The following POLA1 variants were observed in gnomAD, a reference collection of about 807,000 sequenced individuals.
POLA1 encodes DNA polymerase alpha 1, catalytic subunit, also known as DNA polymerase alpha catalytic subunit.
In POLA1, 15 loss-of-function variants were observed where a neutral mutation model predicts 124.0. That is an observed-to-expected ratio of 0.12 (90% CI 0.08 to 0.19). POLA1 has a LOEUF of 0.19. POLA1 is among the 10% of genes least tolerant of loss of function. The pLI, the probability that POLA1 is intolerant of heterozygous loss-of-function variation, is 1.00. For synonymous variants in POLA1, 408 were observed against 389.4 expected (o/e 1.05, Z -0.56); for missense variants, 886 against 1,103.4 (o/e 0.80, Z 2.79).
chrX:24,711,593 C>G (rs1178131638), intron 4 of POLA1, among the ~76,000 whole-genome samples: 1 of 111,494 alleles, frequency 9.0e-6, no homozygotes, highest in East Asian at 2.8e-4. Context: ...CAAAGAGTAG[C>G]TACGCATAAA....
chrX:24,843,533 C>T lies in POLA1; in HGVS notation c.3916-13C>T, dbSNP rs1569335487. 2 of 1,160,566 alleles carry T rather than the reference C, an allele frequency of 1.7e-6. No homozygotes were observed. Among genetic ancestry groups the T allele is most frequent in the Admixed American group, 5.3e-5 (2 of 37,466 alleles). On this transcript the variant is annotated splice_polypyrimidine_tract_variant and intron_variant, in intron 33 of 36. Transcript: ENST00000379068. ...CACAGTAATTTTTTGTATACTTCTC[C>T]TGACTTATGTAGGGAACAGATATGG...
At position 24,717,443 on chromosome X, in the gene POLA1, A is replaced by T. The variant is rs1448699391; in HGVS notation, c.860A>T (p.Glu287Val). 5.8e-6 allele frequency: 7 copies of T among 1,210,181 alleles called. No homozygotes were observed. Among genetic ancestry groups the T allele is most frequent in the Non-Finnish European group, 7.8e-6 (7 of 895,240 alleles). The change falls in exon 9 of 37, where the codon GAG becomes GTG. Residue 287 changes from glutamate (E) to valine (V), a missense_variant. Coordinates refer to ENST00000379068, the MANE Select transcript of POLA1 (RefSeq NM_001330360.2). ...KAWDKESEPA[E>V]EVKQEADSGK... is the part of the protein sequence containing the mutation. ...TGGGACAAAGAGAGTGAGCCAGCAGAGGAAGTGAAACAAGAGGCGGATTCT... is the reference window on the plus strand; with the variant it reads ...TGGGACAAAGAGAGTGAGCCAGCAGTGGAAGTGAAACAAGAGGCGGATTCT...
chrX:24,787,396 T>C (rs2045387246), intron 26 of POLA1, among the ~76,000 whole-genome samples: 1 of 111,845 alleles, frequency 8.9e-6, no homozygotes, highest in Non-Finnish European at 1.9e-5. Flanking sequence ...TTGTATATAG[T>C]ATGAGACAAG....
At chrX:24,701,451 T>G (rs1376012714) in intron 2 of POLA1, among the ~76,000 whole-genome samples, 1 of 108,816 alleles carries the variant, frequency 9.2e-6, no homozygotes, top group African/African-American at 3.3e-5. Flanking sequence ...TTTTTTTTTT[T>G]TGAGGTGGAG....
intron 34 of POLA1, among the ~76,000 whole-genome samples, chrX:24,868,290 T>C (rs1388128785): frequency 1.8e-5 from 2 of 112,069 alleles, no homozygotes; most frequent in Admixed American, 1.9e-4. Flanking sequence ...TGGTAGAAGA[T>C]TGTGTTCCCA....
intron 30 of POLA1, among the ~76,000 whole-genome samples, chrX:24,816,833 AATG>A (rs1234210979): frequency 1.8e-5 from 2 of 111,445 alleles, no homozygotes; most frequent in African/African-American, 3.3e-5. Flanking sequence ...CCCTCATATG[AATG>A]ATGACACAAT....
chrX:24,966,626 T>C (rs1379050954), intron 36 of POLA1, among the ~76,000 whole-genome samples: 1 of 112,231 alleles, frequency 8.9e-6, no homozygotes, highest in Non-Finnish European at 1.9e-5. Flanking sequence ...TGGCAAACTC[T>C]GACAGCAATC....
At chrX:24,914,528 CAA>C (rs10715174) in intron 35 of POLA1, among the ~76,000 whole-genome samples, 294 of 83,744 alleles carry the variant, frequency 3.5e-3, no homozygotes, top group African/African-American at 0.011. Context: ...CCCACCCCCG[CAA>C]AAAAAAAAAA....
At chrX:24,851,223 A>G (rs2046556070) in intron 34 of POLA1, among the ~76,000 whole-genome samples, 1 of 112,536 alleles carries the variant, frequency 8.9e-6, no homozygotes, top group African/African-American at 3.2e-5. Context: ...AGAATACTGC[A>G]GCACCCAGTA....
At chrX:24,705,755 A>G (rs1003648526) in intron 4 of POLA1, among the ~76,000 whole-genome samples, 31 of 108,637 alleles carry the variant, frequency 2.9e-4, no homozygotes, top group South Asian at 4.1e-4. Flanking sequence ...TAAAGGGACC[A>G]GGCTGTTTGT....
chrX:24,724,842 A>G (rs753486227), intron 12 of POLA1, among the ~76,000 whole-genome samples: 1 of 112,175 alleles, frequency 8.9e-6, no homozygotes, highest in Admixed American at 9.5e-5. Flanking sequence ...GTCAGGGACT[A>G]TGATACAGTC....
intron 33 of POLA1, among the ~76,000 whole-genome samples, chrX:24,842,977 T>C: frequency 1.8e-5 from 2 of 111,993 alleles, no homozygotes; most frequent in South Asian, 7.4e-4. Context: ...AATTTTTACT[T>C]CTCCTGCCTC....
intron 35 of POLA1, among the ~76,000 whole-genome samples, chrX:24,895,241 C>G (rs932405831): frequency 2.7e-5 from 3 of 112,374 alleles, no homozygotes; most frequent in African/African-American, 9.7e-5. Flanking sequence ...ATTTAATTCT[C>G]TAAGAAACAT....
At chrX:24,734,938 T>C (rs1931179498) in intron 17 of POLA1, among the ~76,000 whole-genome samples, 1 of 112,131 alleles carries the variant, frequency 8.9e-6, no homozygotes, top group African/African-American at 3.2e-5. Context: ...TAAATATGTT[T>C]GTTTTTAGTC....
chrX:24,703,681 G>A (rs1241446914), intron 3 of POLA1, among the ~76,000 whole-genome samples: 1 of 111,857 alleles, frequency 8.9e-6, no homozygotes, highest in East Asian at 2.8e-4. Context: ...ATGCAGGTTC[G>A]GGATCCATCA....
At chrX:24,974,445 A>G (rs886933385) in intron 36 of POLA1, among the ~76,000 whole-genome samples, 2 of 111,951 alleles carry the variant, frequency 1.8e-5, no homozygotes, top group South Asian at 7.5e-4. Context: ...AATGTGACAC[A>G]TATACACCAT....
intron 34 of POLA1, 30 bp downstream of exon 34, chrX:24,843,707 C>T: frequency 1.9e-6 from 2 of 1,032,407 alleles, no homozygotes; most frequent in Non-Finnish European, 2.6e-6. Flanking sequence ...TTCTTACATA[C>T]ACAACTTATT....
intron 10 of POLA1, among the ~76,000 whole-genome samples, chrX:24,719,508 A>G (rs900586803): frequency 1.1e-4 from 12 of 111,754 alleles, no homozygotes; most frequent in African/African-American, 3.9e-4. Context: ...AAGTCTGGCA[A>G]GTATGATTAC....
At chrX:24,810,585 T>TAACATAA in intron 27 of POLA1, 123 bp from the exon 28 acceptor site, 1 of 364,711 alleles carries the variant, frequency 2.7e-6, no homozygotes. Flanking sequence ...AAATAATAAT[T>TAACATAA]AACATAAACT....
Sources: allele counts gnomAD v4.1 joint callset (sites outside exome capture counted in the v4.1 genomes callset), GRCh38; gene constraint gnomAD v4.1.1; transcripts MANE v1.5; gene names NCBI Gene and HGNC (gene_info 2026-07-23, HGNC 2026-07-21).